Variants in ITIH2 observed in about 807,000 individuals in gnomAD.
The protein encoded by ITIH2 is inter-alpha-trypsin inhibitor heavy chain H2.
A neutral mutation model predicts 104.4 loss-of-function variants in ITIH2; 103 were observed. That is an observed-to-expected ratio of 0.99 (90% CI 0.84 to 1.16). The LOEUF (loss-of-function observed/expected upper bound fraction) is 1.16, where lower values mean the gene tolerates loss of function less well. Among genes scored for constraint, ITIH2 ranks in the 50% most tolerant of loss-of-function variants. The probability of loss-of-function intolerance (pLI) is 0.00; values close to 1 mark genes in which losing one functional copy is unlikely to be tolerated. For missense variants in ITIH2, 1,108 were observed against 1,162.4 expected, an observed-to-expected ratio of 0.95 and a Z score of 0.68; for synonymous variants, 436 against 435.4, an observed-to-expected ratio of 1.00 and a Z score of -0.02.
At chr10:7,736,196 T>C (rs1303412397) in intron 15 of ITIH2, among the ~76,000 whole-genome samples, 1 of 151,806 alleles carries the variant, frequency 6.6e-6, no homozygotes. Flanking sequence ...CAAAACCCCA[T>C]CTTTAGAAAA....
chr10:7,747,987 C>A (rs185866755), intron 20 of ITIH2, among the ~76,000 whole-genome samples: 1 of 151,744 alleles, frequency 6.6e-6, no homozygotes, highest in Non-Finnish European at 1.5e-5. Context: ...GGGTGGATAA[C>A]CTGAGGTCAG....
chr10:7,703,483 T>A lies in ITIH2; in HGVS notation c.49T>A (p.Ser17Thr), dbSNP rs942263876. 7 of 1,613,844 alleles carry A rather than the reference T, an allele frequency of 4.3e-6. No homozygotes were observed. The highest frequency in any genetic ancestry group is 4.2e-6 in the Non-Finnish European group (5 of 1,179,736). ...FFICFFLSEV[S>T]GFEIPINGLS... The stretch of plus-strand genomic sequence containing the variant: ...CATCTGCTTCTTTCTTTCTGAAGTA[T>A]CAGGCTTCGAAATCCCCATAAATGG... Residue 17 changes from serine (S) to threonine (T), a missense_variant, in exon 1 of 21, where the codon TCA (serine) becomes ACA (threonine). Ser to Thr is a moderately conservative substitution (Grantham distance 58). Transcript: ENST00000358415.
rs547256362 is a variant in ITIH2 at position 7,724,659 on chromosome 10, G to A, written c.984+1092G>A. On this transcript the variant is annotated intron_variant, in intron 9 of 20. Coordinates refer to ENST00000358415, the MANE Select transcript of ITIH2 (RefSeq NM_002216.3). The stretch of plus-strand genomic sequence containing the variant: ...TCTTTCACAGACCCTGCCTGCCTGG[G>A]TCTGTACTCCCAGGCAGGGTTTCTC... Among the ~76,000 whole-genome samples, 7 of 151,340 alleles carry A rather than the reference G, an allele frequency of 4.6e-5. No homozygotes were observed. The South Asian group carries it at 1.5e-3, about 32-fold the overall frequency.
intron 5 of ITIH2, among the ~76,000 whole-genome samples, chr10:7,716,744 A>G (rs1834853524): frequency 6.6e-6 from 1 of 151,724 alleles, no homozygotes; most frequent in Non-Finnish European, 1.5e-5. Context: ...TCAAAAAAAA[A>G]AAAAAAAAAA....
intron 7 of ITIH2, 74 bp downstream of exon 7, chr10:7,721,037 C>G (rs1368991902): frequency 5.2e-6 from 5 of 961,052 alleles, no homozygotes; most frequent in Non-Finnish European, 6.7e-6. Context: ...CTTCTGTGCT[C>G]TGGAGAAGAG....
At chr10:7,726,813 G>A in intron 9 of ITIH2, 137 bp from the exon 10 acceptor site, 1 of 647,024 alleles carries the variant, frequency 1.5e-6, no homozygotes, top group Non-Finnish European at 2.6e-6. Flanking sequence ...GACTGAGGTG[G>A]GCTCAAGAGG....
At position 7,743,155 on chromosome 10, in the gene ITIH2, A is replaced by T; in HGVS notation, c.2105A>T (p.Asp702Val). Reference protein sequence around the residue: ...PPPHVMRVENDPHFIIYLPKS... With the variant: ...PPPHVMRVENVPHFIIYLPKS... ...TTTGTATATTTTCCAGTTGAAAATG[A>T]CCCACATTTCATCATTTATCTACCA... Residue 702 changes from aspartate to valine, a missense_variant, in exon 17 of 21, where the codon GAC becomes GTC. Asp to Val is a radical substitution (Grantham distance 152). Coordinates refer to ENST00000358415, the MANE Select transcript of ITIH2 (RefSeq NM_002216.3). The T allele has an allele frequency of 3.3e-6, 5 of 1,506,174 alleles. No homozygotes were observed. Among genetic ancestry groups the T allele is most frequent in the Non-Finnish European group, 4.6e-6 (5 of 1,098,398 alleles). 93.3% of individuals were successfully genotyped at this position (1,506,174 alleles called of 1,614,324 possible). A position where few individuals can be genotyped will look rare whatever the true frequency, so the allele number is the denominator to read the frequency against.
At chr10:7,722,185 T>A (rs956568657) in intron 8 of ITIH2, among the ~76,000 whole-genome samples, 1 of 152,146 alleles carries the variant, frequency 6.6e-6, no homozygotes, top group South Asian at 2.1e-4. Context: ...AGGTTTATCA[T>A]GAAGTTTCTT....
chr10:7,714,165 A>ATTTTTTTTTT lies in ITIH2; in HGVS notation c.467+895_467+904dup, dbSNP rs996413668. Reference sequence around the variant, plus strand: ...TCACTCCTTGCACTGCACACTCACTATTTTTTTTTTTTTTTTTTTTTTTTG... The same window carrying ATTTTTTTTTT: ...TCACTCCTTGCACTGCACACTCACTATTTTTTTTTTTTTTTTTTTTTTTTTTTTTTTTTTG... On this transcript the variant is annotated intron_variant, in intron 5 of 20. Transcript: ENST00000358415. 2.7e-4 allele frequency among the ~76,000 whole-genome samples: 23 copies of ATTTTTTTTTT among 84,026 alleles called. 2 individuals are homozygous for ATTTTTTTTTT. The highest frequency in any genetic ancestry group is 7.6e-4 in the African/African-American group (15 of 19,626). 55.1% of individuals were successfully genotyped at this position (84,026 alleles called of 152,430 possible). A position where few individuals can be genotyped will look rare whatever the true frequency, so the allele number is the denominator to read the frequency against.
intron 10 of ITIH2, 110 bp from the exon 11 acceptor site, chr10:7,727,593 G>A (rs1834962424): frequency 7.7e-7 from 1 of 1,296,800 alleles, no homozygotes. Context: ...TTTTGGCATG[G>A]AATAAGTGAT....
chr10:7,723,542 C>T lies in ITIH2; in HGVS notation c.959C>T (p.Ser320Phe), dbSNP rs773878560. ...NILFVIDVSGSMWGVKMKQTV... is the reference protein window; with the variant it reads ...NILFVIDVSGFMWGVKMKQTV... ...CTCTTTGTCATCGATGTGAGTGGCT[C>T]CATGTGGGGAGTTAAAATGAAACAA... The change falls in exon 9 of 21, where the codon TCC (serine) becomes TTC (phenylalanine). Residue 320 changes from serine (S) to phenylalanine (F), a missense_variant. Ser to Phe is a radical substitution (Grantham distance 155, BLOSUM62 -2). Coordinates refer to ENST00000358415, the MANE Select transcript of ITIH2 (RefSeq NM_002216.3). 6.2e-7 allele frequency: 1 copy of T among 1,612,686 alleles called. No individual in the cohort carries two copies. Among genetic ancestry groups the T allele is most frequent in the Non-Finnish European group, 8.5e-7 (1 of 1,178,816 alleles).
In ITIH2 at chr10:7,717,737, C is replaced by T. The variant is rs746387769; in HGVS notation, c.579C>T (p.Ser193=). Residue 193 remains serine (S), a synonymous_variant, in exon 6 of 21, where the codon TCC becomes TCT. Transcript: ENST00000358415. ...AGGTGAAGTGGAGGAAGCTGGGCTCCTATGAGCACAGGATCTATCTGCAAC... is the reference window on the plus strand; with the variant it reads ...AGGTGAAGTGGAGGAAGCTGGGCTCTTATGAGCACAGGATCTATCTGCAAC... ...YQEVKWRKLG[S]YEHRIYLQPG... The T allele has an allele frequency of 6.2e-6, 10 of 1,613,080 alleles. No homozygotes were observed. The South Asian group carries it at 6.6e-5, about 11-fold the overall frequency.
chr10:7,738,979 A>T (rs1233965863), intron 16 of ITIH2, among the ~76,000 whole-genome samples: 1 of 152,306 alleles, frequency 6.6e-6, no homozygotes, highest in Non-Finnish European at 1.5e-5. Flanking sequence ...TCTTTAAAAA[A>T]ACCTTTCTGC....
chr10:7,705,641 C>T (rs894253587), intron 2 of ITIH2, among the ~76,000 whole-genome samples: 6 of 147,412 alleles, frequency 4.1e-5, no homozygotes, highest in Non-Finnish European at 7.4e-5. Flanking sequence ...TTCGAGGCTG[C>T]AGTGAGCTAT....
chr10:7,711,922 G>A (rs7068444), intron 4 of ITIH2, among the ~76,000 whole-genome samples: 67 of 152,248 alleles, frequency 4.4e-4, no homozygotes, highest in African/African-American at 1.6e-3. Context: ...CTACCACTCT[G>A]ACCAACCATT....
chr10:7,710,920 C>CA (rs531552362), intron 4 of ITIH2, among the ~76,000 whole-genome samples: 3 of 145,772 alleles, frequency 2.1e-5, no homozygotes, highest in African/African-American at 5.0e-5. Flanking sequence ...TGTTTTCCTT[C>CA]TTTTTTTTTT....
Position 7,723,008 on chromosome 10 carries a change from GGTGGA to G in ITIH2, c.868-433_868-429del, listed in dbSNP as rs796573911. ...CGTGGAGTGGAGTGGCGTGAAGTCG[GGTGGA>G]GTGGAGTGGCGTGCAGTGGAGTGGG... On this transcript the variant is annotated intron_variant, in intron 8 of 20. Coordinates refer to ENST00000358415, the MANE Select transcript of ITIH2 (RefSeq NM_002216.3). Among the ~76,000 whole-genome samples, 761 of 141,962 alleles carry G rather than the reference GGTGGA, an allele frequency of 5.4e-3. 1 individual carries two copies. The highest frequency in any genetic ancestry group is 0.019 in the African/African-American group (723 of 38,386). The allele number at this position is 141,962 out of a possible 152,430, so 93.1% of individuals were successfully genotyped here. A position where few individuals can be genotyped will look rare whatever the true frequency, so the allele number is the denominator to read the frequency against.
intron 16 of ITIH2, among the ~76,000 whole-genome samples, chr10:7,739,619 C>T (rs1835105418): frequency 6.6e-6 from 1 of 152,110 alleles, no homozygotes; most frequent in Non-Finnish European, 1.5e-5. Flanking sequence ...AGGCAAGGCC[C>T]ATGGCTCACA....
At chr10:7,710,976 G>T (rs1180675101) in intron 4 of ITIH2, among the ~76,000 whole-genome samples, 1 of 150,284 alleles carries the variant, frequency 6.7e-6, no homozygotes, top group Non-Finnish European at 1.5e-5. Context: ...GAATGTATAG[G>T]TTTGTTACAT....
Sources: gnomAD v4.1 joint callset for allele counts (sites outside exome capture counted in the v4.1 genomes callset) on GRCh38, gnomAD v4.1.1 for gene constraint, MANE v1.5 for transcripts, NCBI Gene and HGNC (gene_info 2026-07-23, HGNC 2026-07-21) for gene names.